Variants in DHX40 observed in about 807,000 individuals in gnomAD.
DHX40 encodes the protein DEAH-box helicase 40.
A neutral mutation model predicts 89.6 loss-of-function variants in DHX40; 28 were observed. The ratio of observed to expected loss-of-function variants is 0.31; its 90% CI spans 0.23 to 0.43. DHX40 has a LOEUF of 0.43. Ranked by LOEUF, DHX40 falls within the 20% of genes least tolerant of loss-of-function variation. DHX40 has a pLI of 1.00. For missense variants in DHX40, 457 were observed against 844.0 expected (o/e 0.54, Z 5.68); for synonymous variants, 226 against 283.6 (o/e 0.80, Z 2.04).
intron 3 of DHX40, among the ~76,000 whole-genome samples, chr17:59,572,239 A>G (rs2048819873): frequency 6.6e-6 from 1 of 152,252 alleles, no homozygotes; most frequent in African/African-American, 2.4e-5. Context: ...ATGTGGCACA[A>G]GATGACTCCC....
intron 12 of DHX40, among the ~76,000 whole-genome samples, chr17:59,598,481 C>G (rs1038305236): frequency 4.0e-5 from 6 of 151,642 alleles, no homozygotes; most frequent in Non-Finnish European, 7.4e-5. Flanking sequence ...AAGTAAATTA[C>G]AAATACTATT....
intron 7 of DHX40, among the ~76,000 whole-genome samples, chr17:59,576,683 A>T (rs1451447860): frequency 6.6e-6 from 1 of 152,174 alleles, no homozygotes; most frequent in African/African-American, 2.4e-5. Context: ...TTGTTTTCTC[A>T]AGATTTGGTT....
chr17:59,566,501 C>T, intron 1 of DHX40, 126 bp from the exon 2 acceptor site: 1 of 915,668 alleles, frequency 1.1e-6, no homozygotes, highest in South Asian at 2.0e-5. Flanking sequence ...AGCGATTTAA[C>T]TGAGAAGTCA....
intron 12 of DHX40, among the ~76,000 whole-genome samples, chr17:59,597,687 A>C (rs2030178305): frequency 6.6e-6 from 1 of 151,078 alleles, no homozygotes; most frequent in South Asian, 2.1e-4. Context: ...CTGTAATCCC[A>C]GCACTTTGGG....
chr17:59,595,017 A>C (rs931192841), intron 12 of DHX40, among the ~76,000 whole-genome samples: 2 of 152,104 alleles, frequency 1.3e-5, no homozygotes, highest in African/African-American at 4.8e-5. Context: ...CACCATTCCC[A>C]GTACAGTTGA....
intron 12 of DHX40, among the ~76,000 whole-genome samples, chr17:59,596,095 A>G (rs538770328): frequency 6.6e-6 from 1 of 152,212 alleles, no homozygotes; most frequent in Admixed American, 6.5e-5. Flanking sequence ...GCAAACACAG[A>G]CTGCATGGTG....
chr17:59,594,038 T>A (rs2049117174), intron 12 of DHX40, among the ~76,000 whole-genome samples: 1 of 152,054 alleles, frequency 6.6e-6, no homozygotes, highest in Non-Finnish European at 1.5e-5. Context: ...TTGAGGGAGT[T>A]GATGAATTTG....
At position 59,573,936 on chromosome 17, in the gene DHX40, G is replaced by C. The variant is rs776249309; in HGVS notation, c.743G>C (p.Arg248Pro). The change falls in exon 5 of 18, where the codon CGA (arginine) becomes CCA (proline). Residue 248 changes from arginine (R) to proline (P), a missense_variant. Arg to Pro is a moderately radical substitution (Grantham distance 103). Transcript: ENST00000251241. ...AAATTCTGCAATTTGATTGGTCCAC[G>C]AGACAGAGAAAATACTGCGTATATT... ...REKFCNLIGPRDRENTAYIQA... is the reference protein window; with the variant it reads ...REKFCNLIGPPDRENTAYIQA... 6.3e-7 allele frequency: 1 copy of C among 1,581,930 alleles called. No individual in the cohort carries two copies. Among genetic ancestry groups the C allele is most frequent in the South Asian group, 1.1e-5 (1 of 89,234 alleles).
intron 15 of DHX40, 85 bp downstream of exon 15, chr17:59,602,701 AGATTT>A: frequency 8.6e-7 from 1 of 1,166,536 alleles, no homozygotes; most frequent in South Asian, 1.5e-5. Flanking sequence ...TAAACATTGA[AGATTT>A]GATTTAAGCT....
chr17:59,570,765 C>T, intron 3 of DHX40, 102 bp downstream of exon 3: 1 of 1,250,122 alleles, frequency 8.0e-7, no homozygotes, highest in Non-Finnish European at 1.1e-6. Flanking sequence ...CTCTCTGTAG[C>T]CTCTACCTTC....
At chr17:59,565,823 C>G (rs373812799) in intron 1 of DHX40, 40 bp downstream of exon 1, 3 of 1,527,002 alleles carry the variant, frequency 2.0e-6, no homozygotes, top group African/African-American at 2.8e-5. Flanking sequence ...GCGGGAGTTA[C>G]GGCGTGGGGG....
chr17:59,565,821 T>TA, intron 1 of DHX40, 38 bp downstream of exon 1: 3 of 1,538,560 alleles, frequency 1.9e-6, no homozygotes, highest in African/African-American at 1.4e-5. Flanking sequence ...CAGCGGGAGT[T>TA]ACGGCGTGGG....
chr17:59,597,578 A>G (rs1417665809), intron 12 of DHX40, among the ~76,000 whole-genome samples: 1 of 151,992 alleles, frequency 6.6e-6, no homozygotes, highest in Non-Finnish European at 1.5e-5. Flanking sequence ...TTCTTTAGAC[A>G]AGGTTTCACT....
rs1369896411 is a variant in DHX40 at position 59,588,009 on chromosome 17, C to T, written c.1538C>T (p.Pro513Leu). ...CTGGATTGTGAAGATCTACTACTTC[C>T]AATAGCAGCAATGTTGTCTGTGGAA... ...ASLDCEDLLL[P>L]IAAMLSVENV... Residue 513 changes from proline to leucine, a missense_variant, in exon 12 of 18, where the codon CCA becomes CTA. Transcript: ENST00000251241. The T allele has an allele frequency of 6.2e-7, 1 of 1,613,434 alleles. No individual in the cohort carries two copies. Among genetic ancestry groups the T allele is most frequent in the Non-Finnish European group, 8.5e-7 (1 of 1,179,770 alleles).
chr17:59,604,067 CT>C (rs2030698897), intron 15 of DHX40: 1 of 152,158 alleles, frequency 6.6e-6, no homozygotes, highest in African/African-American at 2.4e-5. Flanking sequence ...GAATTACATC[CT>C]TTTGCTATAA....
In DHX40 at chr17:59,586,314, A is replaced by G; in HGVS notation, c.1424+81A>G. ...AGGGCTCTAAATACCTTTCTCTAACAGTAGAAAATAATTTCTTTAAATTGA... is the reference window on the plus strand; with the variant it reads ...AGGGCTCTAAATACCTTTCTCTAACGGTAGAAAATAATTTCTTTAAATTGA... On this transcript the variant is annotated intron_variant, in intron 11 of 17. Coordinates refer to ENST00000251241, the MANE Select transcript of DHX40 (RefSeq NM_024612.5). 3.6e-6 allele frequency: 4 copies of G among 1,123,482 alleles called. No homozygotes were observed. The South Asian group carries it at 4.4e-5, about 12-fold the overall frequency. 69.6% of individuals were successfully genotyped at this position (1,123,482 alleles called of 1,614,324 possible).
rs144743850 is a variant in DHX40 at position 59,590,492 on chromosome 17, A to G, written c.1582+2439A>G. Reference sequence around the variant, plus strand: ...AAAATTTTTAAATTTTATTGAGACAAGGTCTCACTGTGTTGCCCAGGCTGG... The same window carrying G: ...AAAATTTTTAAATTTTATTGAGACAGGGTCTCACTGTGTTGCCCAGGCTGG... On this transcript the variant is annotated intron_variant, in intron 12 of 17. Transcript: ENST00000251241. Among the ~76,000 whole-genome samples, 531 of 151,576 alleles carry G rather than the reference A, an allele frequency of 3.5e-3. 12 individuals carry two copies. The highest frequency in any genetic ancestry group is 5.5e-3 in the Non-Finnish European group (371 of 67,818).
At chr17:59,568,712 C>T (rs888260072) in intron 2 of DHX40, among the ~76,000 whole-genome samples, 1 of 151,720 alleles carries the variant, frequency 6.6e-6, no homozygotes, top group Non-Finnish European at 1.5e-5. Context: ...CTGTAGGTAA[C>T]TGAAAAATTG....
In DHX40 at chr17:59,602,557, T is replaced by C; in HGVS notation, c.1842T>C (p.Pro614=). The C allele has an allele frequency of 6.2e-7, 1 of 1,613,862 alleles. No homozygotes were observed. Among genetic ancestry groups the C allele is most frequent in the Non-Finnish European group, 8.5e-7 (1 of 1,179,832 alleles). Residue 614 remains proline (P), a synonymous_variant, in exon 15 of 18, where the codon CCT becomes CCC. Coordinates refer to ENST00000251241, the MANE Select transcript of DHX40 (RefSeq NM_024612.5). ...TCCCAAAAGAGACCTTTGAAGGCCCTAAACATGAAGTACTACGAAGATGTC... is the reference window on the plus strand; with the variant it reads ...TCCCAAAAGAGACCTTTGAAGGCCCCAAACATGAAGTACTACGAAGATGTC... ...SDFPKETFEG[P]KHEVLRRCLC...
Sources: gnomAD v4.1 joint callset for allele counts (sites outside exome capture counted in the v4.1 genomes callset) on GRCh38, gnomAD v4.1.1 for gene constraint, MANE v1.5 for transcripts, NCBI Gene and HGNC (gene_info 2026-07-23, HGNC 2026-07-21) for gene names.